The following TENM3 variants were observed in gnomAD, a reference collection of about 807,000 sequenced individuals.
TENM3 encodes the protein teneurin transmembrane protein 3.
TENM3 carries 63 observed loss-of-function variants against 255.1 expected under a neutral mutation model. The observed-to-expected ratio is 0.25, with a 90% CI of 0.20 to 0.30. The LOEUF is 0.30. Ranked by LOEUF, TENM3 falls within the 10% of genes least tolerant of loss-of-function variation. The probability of loss-of-function intolerance (pLI) is 1.00; values close to 1 mark genes in which losing one functional copy is unlikely to be tolerated. For synonymous variants in TENM3, 1,306 were observed against 1,322.3 expected, an observed-to-expected ratio of 0.99 and a Z score of 0.27; for missense variants, 2,929 against 3,461.1, an observed-to-expected ratio of 0.85 and a Z score of 3.86.
At chr4:181,698,127 T>A in the TENM3 span, among the ~76,000 whole-genome samples, 1 of 151,354 alleles carries the variant, frequency 6.6e-6, no homozygotes, top group East Asian at 2.0e-4. Context: ...GGCAGGAGAA[T>A]TGCTTGAAAC....
the TENM3 span, among the ~76,000 whole-genome samples, chr4:181,574,506 C>A: frequency 5.3e-5 from 8 of 151,322 alleles, no homozygotes; most frequent in Non-Finnish European, 1.0e-4. Context: ...AGTCCGCAGT[C>A]CGGCCTGGGC....
chr4:181,673,348 T>A, the TENM3 span, among the ~76,000 whole-genome samples: 1 of 152,314 alleles, frequency 6.6e-6, no homozygotes, highest in Non-Finnish European at 1.5e-5. Context: ...ACCAAACATC[T>A]GTCTCAGAAT....
At chr4:181,610,319 A>G in the TENM3 span, among the ~76,000 whole-genome samples, 5 of 152,318 alleles carry the variant, frequency 3.3e-5, no homozygotes, top group South Asian at 1.0e-3. Flanking sequence ...TGAGGCGTGT[A>G]TAAGATGACT....
chr4:181,628,372 CA>C, the TENM3 span, among the ~76,000 whole-genome samples: 1 of 152,158 alleles, frequency 6.6e-6, no homozygotes, highest in East Asian at 1.9e-4. Context: ...GTTTTGTTGC[CA>C]TTGCTTTTGG....
chr4:182,580,851 G>A (rs755879832), intron 3 of TENM3, among the ~76,000 whole-genome samples: 1 of 152,200 alleles, frequency 6.6e-6, no homozygotes, highest in African/African-American at 2.4e-5. Flanking sequence ...TATGTGTGCA[G>A]TAATGTGTTG....
intron 4 of TENM3, 27 bp downstream of exon 4, chr4:182,601,188 T>C (rs1294234225): frequency 6.4e-7 from 1 of 1,574,550 alleles, no homozygotes; most frequent in African/African-American, 1.3e-5. Flanking sequence ...CAAAATAAGC[T>C]AGCCCAACCC....
chr4:182,714,292 G>A, intron 13 of TENM3, 59 bp downstream of exon 13: 3 of 634,724 alleles, frequency 4.7e-6, no homozygotes, highest in Non-Finnish European at 7.1e-6. Flanking sequence ...GTAAGTGACA[G>A]TGAGTACATA....
chr4:182,653,822 C>T lies in TENM3; in HGVS notation c.1040C>T (p.Thr347Ile). Residue 347 changes from threonine (T) to isoleucine (I), a missense_variant, in exon 6 of 28, where the codon ACA becomes ATA. Transcript: ENST00000511685. Reference protein sequence around the residue: ...NWQLQQTENDTFENGKVNSDT... With the variant: ...NWQLQQTENDIFENGKVNSDT... ...CAGCTACAGCAGACTGAAAATGACA[C>T]ATTTGAGAATGGAAAAGTGAATTCT... 2 of 1,613,070 alleles carry T rather than the reference C, an allele frequency of 1.2e-6. No individual in the cohort carries two copies. The highest frequency in any genetic ancestry group is 1.7e-6 in the Non-Finnish European group (2 of 1,179,428).
At chr4:182,745,005 T>C (rs1761903431) in intron 19 of TENM3, among the ~76,000 whole-genome samples, 2 of 152,246 alleles carry the variant, frequency 1.3e-5, no homozygotes, top group Non-Finnish European at 2.9e-5. Context: ...GCTAGACAGG[T>C]TAGACATGCT....
intron 3 of TENM3, among the ~76,000 whole-genome samples, chr4:182,430,430 C>T (rs1203034188): frequency 1.3e-5 from 2 of 152,066 alleles, no homozygotes; most frequent in African/African-American, 4.8e-5. Flanking sequence ...CACTTGTTGT[C>T]CCAGCTACTC....
At chr4:182,633,895 C>G (rs1265510277) in intron 5 of TENM3, among the ~76,000 whole-genome samples, 2 of 152,136 alleles carry the variant, frequency 1.3e-5, no homozygotes, top group Non-Finnish European at 2.9e-5. Context: ...GTTTCAGTGG[C>G]CTTCCAGAAC....
the TENM3 span, chr4:182,079,915 A>G: frequency 1.3e-5 from 2 of 152,328 alleles, no homozygotes; most frequent in Non-Finnish European, 2.9e-5. Context: ...TGAGTGGCCA[A>G]AGCTCTCGAC....
chr4:182,220,857 T>C (rs1755812021), intron 1 of TENM3, among the ~76,000 whole-genome samples: 1 of 152,224 alleles, frequency 6.6e-6, no homozygotes, highest in Non-Finnish European at 1.5e-5. Context: ...AACAGCTCTG[T>C]GAAGGCCATC....
chr4:181,579,263 A>G, the TENM3 span, among the ~76,000 whole-genome samples: 5 of 152,138 alleles, frequency 3.3e-5, no homozygotes, highest in Non-Finnish European at 5.9e-5. Context: ...CACCCCTCAC[A>G]TGGAAACAGA....
the TENM3 span, among the ~76,000 whole-genome samples, chr4:181,898,271 C>CAT: frequency 0.043 from 6,541 of 152,156 alleles, 192 homozygotes; most frequent in Non-Finnish European, 0.062. Flanking sequence ...TACACACACA[C>CAT]ACACACACAC....
At chr4:181,912,682 G>A in the TENM3 span, among the ~76,000 whole-genome samples, 1 of 149,462 alleles carries the variant, frequency 6.7e-6, no homozygotes, top group Admixed American at 6.8e-5. Flanking sequence ...TGAGGAAGAA[G>A]AATCACTTGA....
the TENM3 span, among the ~76,000 whole-genome samples, chr4:182,015,891 C>T: frequency 1.7e-3 from 264 of 152,254 alleles, 1 homozygote; most frequent in African/African-American, 6.0e-3. Flanking sequence ...TACTTTGTCT[C>T]TAGTATGTTA....
chr4:181,996,842 T>C, the TENM3 span, among the ~76,000 whole-genome samples: 1 of 152,084 alleles, frequency 6.6e-6, no homozygotes, highest in Non-Finnish European at 1.5e-5. Context: ...ACTGGATCAA[T>C]GGTAGTGGGA....
the TENM3 span, among the ~76,000 whole-genome samples, chr4:181,984,996 A>C: frequency 6.6e-6 from 1 of 152,202 alleles, no homozygotes; most frequent in South Asian, 2.1e-4. Flanking sequence ...ACTGGCCAAT[A>C]GTGACGGCTG....
Sources: allele counts gnomAD v4.1 joint callset (sites outside exome capture counted in the v4.1 genomes callset), GRCh38; gene constraint gnomAD v4.1.1; transcripts MANE v1.5; gene names NCBI Gene and HGNC (gene_info 2026-07-23, HGNC 2026-07-21).